FRMD4A: variants seen among roughly 807,000 people sequenced by gnomAD.
The protein encoded by FRMD4A is FERM domain containing 4A.
A neutral mutation model predicts 129.1 loss-of-function variants in FRMD4A; 29 were observed. The ratio of observed to expected loss-of-function variants is 0.22; its 90% CI spans 0.17 to 0.31. FRMD4A has a LOEUF of 0.31. FRMD4A is among the 10% of genes least tolerant of loss of function. The pLI is 1.00. For missense variants in FRMD4A, 1,272 were observed against 1,375.8 expected, an observed-to-expected ratio of 0.92 and a Z score of 1.19; for synonymous variants, 634 against 571.6, an observed-to-expected ratio of 1.11 and a Z score of -1.56.
At chr10:13,803,648 T>C (rs1338507064) in intron 4 of FRMD4A, among the ~76,000 whole-genome samples, 1 of 2,254 alleles carries the variant, frequency 4.4e-4, no homozygotes, top group Non-Finnish European at 0.017. Context: ...CCCAATTTTC[T>C]TTTCTAGCGC....
intron 2 of FRMD4A, among the ~76,000 whole-genome samples, chr10:14,152,121 T>TC (rs1840369170): frequency 8.3e-6 from 1 of 120,856 alleles, no homozygotes; most frequent in Non-Finnish European, 1.7e-5. Context: ...GTAGTGCTTT[T>TC]TTTTTTTTTT....
chr10:13,707,512 C>T (rs941226849), intron 12 of FRMD4A: 3 of 1,007,982 alleles, frequency 3.0e-6, no homozygotes, highest in Admixed American at 5.2e-5. Context: ...GGGAGAGGAG[C>T]GAGAGGAGCG....
chr10:14,015,233 T>TTCCC (rs577584786), intron 2 of FRMD4A, among the ~76,000 whole-genome samples: 3 of 74,032 alleles, frequency 4.1e-5, no homozygotes, highest in East Asian at 5.0e-4. Context: ...TTCTCCTTCC[T>TTCCC]TCCCTCCCTC....
chr10:13,743,364 G>A (rs1382548202), intron 9 of FRMD4A, among the ~76,000 whole-genome samples: 2 of 152,138 alleles, frequency 1.3e-5, no homozygotes, highest in East Asian at 1.9e-4. Flanking sequence ...CTGCCTTGGC[G>A]TGTTTCCTAC....
intron 12 of FRMD4A, among the ~76,000 whole-genome samples, chr10:13,720,616 G>A (rs796137174): frequency 5.3e-5 from 8 of 152,314 alleles, no homozygotes; most frequent in African/African-American, 1.9e-4. Context: ...GGTACATACA[G>A]TAAGTTAGAA....
At chr10:13,687,481 A>G (rs1230044444) in intron 15 of FRMD4A, among the ~76,000 whole-genome samples, 1 of 152,092 alleles carries the variant, frequency 6.6e-6, no homozygotes, top group East Asian at 1.9e-4. Context: ...TCTCCCCTCC[A>G]ACATTTTCTG....
intron 2 of FRMD4A, among the ~76,000 whole-genome samples, chr10:14,142,802 AC>A (rs1310440683): frequency 6.6e-6 from 1 of 152,226 alleles, no homozygotes. Context: ...TTGTTCACAT[AC>A]TAAAAATGGA....
intron 2 of FRMD4A, among the ~76,000 whole-genome samples, chr10:14,156,822 C>T (rs1301438197): frequency 6.6e-6 from 1 of 152,148 alleles, no homozygotes; most frequent in Non-Finnish European, 1.5e-5. Flanking sequence ...ACGTCCTGCT[C>T]AATGACCTCA....
chr10:14,252,308 T>C (rs1004609514), intron 2 of FRMD4A, among the ~76,000 whole-genome samples: 7 of 152,198 alleles, frequency 4.6e-5, no homozygotes, highest in African/African-American at 1.4e-4. Flanking sequence ...TGAAGCGATA[T>C]TATCATCTAA....
At chr10:13,820,100 C>T (rs72771048) in intron 3 of FRMD4A, among the ~76,000 whole-genome samples, 10,370 of 152,124 alleles carry the variant, frequency 0.068, 543 homozygotes, top group Admixed American at 0.16. Context: ...AAGACACAGG[C>T]GAGGAACCCC....
intron 2 of FRMD4A, among the ~76,000 whole-genome samples, chr10:14,280,113 C>G (rs1845469286): frequency 6.6e-6 from 1 of 152,136 alleles, no homozygotes; most frequent in Non-Finnish European, 1.5e-5. Flanking sequence ...TCACCCAGGA[C>G]AGAACTGACC....
chr10:13,845,425 G>A lies in FRMD4A; in HGVS notation c.111+13422C>T, dbSNP rs185855900. ...CAAGTGAACTGATACTGAACTCTACGACTACTCCATGAAGCCTTGCATGAA... is the reference window on the plus strand; with the variant it reads ...CAAGTGAACTGATACTGAACTCTACAACTACTCCATGAAGCCTTGCATGAA... On this transcript the variant is annotated intron_variant, in intron 3 of 24. Coordinates refer to ENST00000357447, the MANE Select transcript of FRMD4A (RefSeq NM_018027.5). 3.4e-4 allele frequency among the ~76,000 whole-genome samples: 52 copies of A among 152,300 alleles called. 1 individual carries two copies. The highest frequency in any genetic ancestry group is 1.2e-3 in the African/African-American group (48 of 41,562).
At chr10:13,839,151 A>G (rs1426030323) in intron 3 of FRMD4A, among the ~76,000 whole-genome samples, 1 of 151,932 alleles carries the variant, frequency 6.6e-6, no homozygotes, top group Non-Finnish European at 1.5e-5. Flanking sequence ...GCATGCCACC[A>G]CACCTAGCTA....
chr10:13,781,629 C>T (rs539102632), intron 6 of FRMD4A, among the ~76,000 whole-genome samples: 11 of 152,112 alleles, frequency 7.2e-5, no homozygotes, highest in African/African-American at 2.2e-4. Context: ...CCGCCTGCCT[C>T]GGCCTCCCAA....
chr10:13,689,382 G>A lies in FRMD4A; in HGVS notation c.1117+4516C>T, dbSNP rs186908389. Among the ~76,000 whole-genome samples, 290 of 151,786 alleles carry A rather than the reference G, an allele frequency of 1.9e-3. 4 individuals carry two copies. Among genetic ancestry groups the A allele is most frequent in the African/African-American group, 6.8e-3 (281 of 41,376 alleles). Reference sequence around the variant, plus strand: ...GAGAATAATTGAAAGATGACAAGATGGATACTACTGCAGGACACTGACGTG... The same window carrying A: ...GAGAATAATTGAAAGATGACAAGATAGATACTACTGCAGGACACTGACGTG... On this transcript the variant is annotated intron_variant, in intron 15 of 24. Coordinates refer to ENST00000357447, the MANE Select transcript of FRMD4A (RefSeq NM_018027.5).
chr10:14,028,499 G>A (rs2131658153), intron 2 of FRMD4A, among the ~76,000 whole-genome samples: 1 of 152,284 alleles, frequency 6.6e-6, no homozygotes. Context: ...TGTTCTCCAT[G>A]CTCTGATCCC....
chr10:14,246,781 A>G (rs1005108929), intron 2 of FRMD4A, among the ~76,000 whole-genome samples: 1 of 152,140 alleles, frequency 6.6e-6, no homozygotes, highest in African/African-American at 2.4e-5. Context: ...GCCTCGGTGG[A>G]AATACAAAAG....
intron 2 of FRMD4A, among the ~76,000 whole-genome samples, chr10:14,024,351 T>TA (rs1298084033): frequency 6.6e-6 from 1 of 152,200 alleles, no homozygotes; most frequent in African/African-American, 2.4e-5. Flanking sequence ...AGCCTTTACT[T>TA]ACAAACACAT....
chr10:14,216,229 A>G (rs988032375), intron 2 of FRMD4A, among the ~76,000 whole-genome samples: 3 of 152,200 alleles, frequency 2.0e-5, no homozygotes, highest in Non-Finnish European at 4.4e-5. Context: ...ACTGACTTCC[A>G]ACCTACTCAA....
Sources: gnomAD v4.1 joint callset for allele counts (sites outside exome capture counted in the v4.1 genomes callset) on GRCh38, gnomAD v4.1.1 for gene constraint, MANE v1.5 for transcripts, NCBI Gene and HGNC (gene_info 2026-07-23, HGNC 2026-07-21) for gene names.